PAPOLA: variants seen among roughly 807,000 people sequenced by gnomAD.
The protein encoded by PAPOLA is poly(A) polymerase alpha, also known as polynucleotide adenylyltransferase alpha.
In PAPOLA, 15 loss-of-function variants were observed where a neutral mutation model predicts 100.6. The observed-to-expected ratio is 0.15, with a 90% confidence interval of 0.10 to 0.23. PAPOLA has a LOEUF of 0.23. Ranked by LOEUF, PAPOLA falls within the 10% of genes least tolerant of loss-of-function variation. The pLI is 1.00. For synonymous variants in PAPOLA, 293 were observed against 300.0 expected, an observed-to-expected ratio of 0.98 and a Z score of 0.24; for missense variants, 533 against 884.2, an observed-to-expected ratio of 0.60 and a Z score of 5.04.
chr14:96,506,246 G>T (rs1190350493), intron 1 of PAPOLA, among the ~76,000 whole-genome samples: 5 of 152,096 alleles, frequency 3.3e-5, no homozygotes, highest in Non-Finnish European at 7.4e-5. Flanking sequence ...AGTTTAAAAA[G>T]CTTTTGATGA....
Position 96,508,595 on chromosome 14 carries a change from C to G in PAPOLA, c.8+5995C>G, listed in dbSNP as rs1172692677. Among the ~76,000 whole-genome samples the G allele has an allele frequency of 2.6e-5, 4 of 152,292 alleles. No individual in the cohort carries two copies. In the East Asian group the frequency reaches 7.7e-4, roughly 29 times the overall value. On this transcript the variant is annotated intron_variant, in intron 1 of 21. Transcript: ENST00000216277. Reference sequence around the variant, plus strand: ...AAATGTTTTGGCTCATCAGAACATTCTATTCTTGGGTAACTAAGTCAACTT... The same window carrying G: ...AAATGTTTTGGCTCATCAGAACATTGTATTCTTGGGTAACTAAGTCAACTT...
chr14:96,526,431 C>T (rs1319934362), intron 4 of PAPOLA: 1 of 152,370 alleles, frequency 6.6e-6, no homozygotes, highest in African/African-American at 2.4e-5. Flanking sequence ...CTCCTGGGCT[C>T]AATTGATTTT....
At chr14:96,537,293 C>T (rs2140295281) in intron 12 of PAPOLA, 1 of 505,404 alleles carries the variant, frequency 2.0e-6, no homozygotes, top group East Asian at 3.3e-5. Context: ...TTTGTAGCAA[C>T]ATAAGTTCTG....
chr14:96,534,611 A>G (rs763455516), intron 10 of PAPOLA, 48 bp downstream of exon 10: 5 of 1,612,818 alleles, frequency 3.1e-6, no homozygotes, highest in Non-Finnish European at 4.2e-6. Context: ...TGCAATAACA[A>G]GTAAAAATCA....
chr14:96,560,788 G>A lies in PAPOLA; in HGVS notation c.2067+77G>A, dbSNP rs150069128. On this transcript the variant is annotated intron_variant, in intron 20 of 21. Coordinates refer to ENST00000216277, the MANE Select transcript of PAPOLA (RefSeq NM_032632.5). ...GTAATAGAAATGTCTCTAAAATATT[G>A]TATTTTTGTGCTATAGGTTTTAGAT... 5.4e-5 allele frequency: 52 copies of A among 959,986 alleles called. No individual in the cohort carries two copies. The Admixed American group carries it at 1.1e-3, about 21-fold the overall frequency. The allele number at this position is 959,986 out of a possible 1,614,324, so 59.5% of individuals were successfully genotyped here. A position where few individuals can be genotyped will look rare whatever the true frequency, so the allele number is the denominator to read the frequency against.
rs189240989 is a variant in PAPOLA at position 96,542,876 on chromosome 14, C to G, written c.1272C>G (p.Pro424=). The G allele has an allele frequency of 6.2e-7, 1 of 1,611,884 alleles. No individual in the cohort carries two copies. The highest frequency in any genetic ancestry group is 1.7e-5 in the Admixed American group (1 of 59,462). The stretch of plus-strand genomic sequence containing the variant: ...TGAATCCCCAGTCATTTCCAGCACC[C>G]AAAGAAAATCCCGACAAGTAAGCCC... The part of the protein sequence containing the change: ...AHVNPQSFPA[P]KENPDKEEFR... The change falls in exon 14 of 22, where the codon CCC becomes CCG. Residue 424 remains proline, a synonymous_variant. Coordinates refer to ENST00000216277, the MANE Select transcript of PAPOLA (RefSeq NM_032632.5).
chr14:96,552,362 G>A (rs1273543123), intron 16 of PAPOLA, 118 bp from the exon 17 acceptor site: 8 of 940,376 alleles, frequency 8.5e-6, no homozygotes, highest in South Asian at 5.2e-5. Context: ...TCTAACTTTC[G>A]TAGATTTAGT....
At chr14:96,539,998 G>A (rs1191681030) in intron 12 of PAPOLA, among the ~76,000 whole-genome samples, 1 of 152,036 alleles carries the variant, frequency 6.6e-6, no homozygotes, top group African/African-American at 2.4e-5. Flanking sequence ...ATACTTGTTA[G>A]AATTACTTAA....
chr14:96,535,735 C>G, intron 10 of PAPOLA, 144 bp from the exon 11 acceptor site: 1 of 798,242 alleles, frequency 1.3e-6, no homozygotes, highest in Non-Finnish European at 1.8e-6. Flanking sequence ...AAAACAATGT[C>G]TCTCTACATG....
intron 20 of PAPOLA, among the ~76,000 whole-genome samples, chr14:96,561,625 C>A (rs1901847233): frequency 6.6e-6 from 1 of 152,130 alleles, no homozygotes; most frequent in Non-Finnish European, 1.5e-5. Flanking sequence ...TTGGTTACAG[C>A]TAAATACCAT....
chr14:96,520,740 A>T lies in PAPOLA; in HGVS notation c.183-266A>T, dbSNP rs1897886633. Among the ~76,000 whole-genome samples, 3 of 151,382 alleles carry T rather than the reference A, an allele frequency of 2.0e-5. 1 individual carries two copies. The highest frequency in any genetic ancestry group is 4.4e-5 in the Non-Finnish European group (3 of 67,882). ...TTTTTTTTCTGAAGAATTAATTTTG[A>T]TTTTTTATGCTTTTGGTTATTATAG... is the stretch of plus-strand genomic sequence containing the variant. On this transcript the variant is annotated intron_variant, in intron 2 of 21. Transcript: ENST00000216277.
intron 15 of PAPOLA, among the ~76,000 whole-genome samples, chr14:96,546,387 AT>A (rs950057777): frequency 6.6e-6 from 1 of 151,994 alleles, no homozygotes; most frequent in Non-Finnish European, 1.5e-5. Context: ...TCCAGATGAT[AT>A]TTTTAAGCCA....
chr14:96,518,424 T>G (rs962393598), intron 1 of PAPOLA, among the ~76,000 whole-genome samples: 3 of 152,030 alleles, frequency 2.0e-5, no homozygotes, highest in Admixed American at 2.0e-4. Context: ...CTTTTTTTTT[T>G]TTGAGACGGA....
At chr14:96,510,478 C>T (rs1350753021) in intron 1 of PAPOLA, among the ~76,000 whole-genome samples, 25 of 151,260 alleles carry the variant, frequency 1.7e-4, no homozygotes, top group Admixed American at 9.9e-4. Context: ...ACAACACACA[C>T]GCGCGCGTGC....
intron 13 of PAPOLA, 148 bp from the exon 14 acceptor site, chr14:96,542,626 C>T (rs373739831): frequency 1.4e-4 from 95 of 693,552 alleles, no homozygotes; most frequent in African/African-American, 1.2e-3. Flanking sequence ...CTTTTTTCCC[C>T]GTTGTTTGGC....
At chr14:96,521,838 G>C (rs1419017824) in intron 3 of PAPOLA, among the ~76,000 whole-genome samples, 1 of 152,066 alleles carries the variant, frequency 6.6e-6, no homozygotes, top group African/African-American at 2.4e-5. Flanking sequence ...TTGAGACAGA[G>C]TCTCACTCTG....
At chr14:96,544,021 G>A (rs1900194160) in intron 14 of PAPOLA, 128 bp from the exon 15 acceptor site, 3 of 624,928 alleles carry the variant, frequency 4.8e-6, no homozygotes, top group Non-Finnish European at 8.6e-6. Flanking sequence ...CATGGAGCTT[G>A]GGCTTAGAAC....
intron 1 of PAPOLA, among the ~76,000 whole-genome samples, chr14:96,509,259 C>T (rs1024063486): frequency 4.6e-5 from 7 of 152,136 alleles, no homozygotes; most frequent in African/African-American, 1.7e-4. Context: ...CTCAAACTCC[C>T]GGGCTCAAGC....
chr14:96,506,145 C>A (rs569063236), intron 1 of PAPOLA, among the ~76,000 whole-genome samples: 2 of 152,106 alleles, frequency 1.3e-5, no homozygotes, highest in East Asian at 1.9e-4. Context: ...CTCGTGATCC[C>A]CCCCCACCTC....
Sources: gnomAD v4.1 joint callset for allele counts (sites outside exome capture counted in the v4.1 genomes callset) on GRCh38, gnomAD v4.1.1 for gene constraint, MANE v1.5 for transcripts, NCBI Gene and HGNC (gene_info 2026-07-23, HGNC 2026-07-21) for gene names.